The following ZNF626 variants were observed in gnomAD, a reference collection of about 807,000 sequenced individuals.
ZNF626 encodes the protein zinc finger protein 626, also known as CTC-513N18.7.
ZNF626 carries 4 observed loss-of-function variants against 11.7 expected under a neutral mutation model. The observed-to-expected ratio is 0.34, with a 90% CI of 0.17 to 0.78. The LOEUF is 0.78. Ranked by LOEUF, ZNF626 falls within the 30% of genes least tolerant of loss-of-function variation. ZNF626 has a pLI of 0.57. For missense variants in ZNF626, 588 were observed against 587.1 expected (o/e 1.00, Z -0.01); for synonymous variants, 179 against 198.6 (o/e 0.90, Z 0.83).
chr19:20,632,981 C>G (rs112098099), intron 3 of ZNF626, among the ~76,000 whole-genome samples: 14,822 of 152,042 alleles, frequency 0.097, 1,050 homozygotes, highest in African/African-American at 0.2. Flanking sequence ...TGTCCTTTCT[C>G]TTTGTTAGTT....
rs367935976 is a variant in ZNF626, at chr19:20,654,365, C to T, written c.3+7079G>A. Among the ~76,000 whole-genome samples the T allele has an allele frequency of 3.3e-5, 5 of 152,032 alleles. No individual in the cohort carries two copies. The East Asian group carries it at 5.8e-4, about 18-fold the overall frequency. ...GGCTGAGGCAGGAGAATTGCTTGAA[C>T]CTCGGAGGCGGAGGTTGCAGTGAGC... On this transcript the variant is annotated intron_variant, in intron 1 of 3. Transcript: ENST00000601440.
chr19:20,625,020 T>A lies in ZNF626; in HGVS notation c.857A>T (p.Lys286Ile). The A allele has an allele frequency of 6.2e-7, 1 of 1,613,892 alleles. No homozygotes were observed. Among genetic ancestry groups the A allele is most frequent in the Non-Finnish European group, 8.5e-7 (1 of 1,179,982 alleles). ...GAAGGCTTTGCCACATTCTTCACAT[T>A]TGTAGGGTTTCTTTTCCGTATGAAT... is the stretch of plus-strand genomic sequence containing the variant. ...EIIHTEKKPYKCEECGKAFNR... is the reference protein window; with the variant it reads ...EIIHTEKKPYICEECGKAFNR... Residue 286 changes from lysine (K) to isoleucine (I), a missense_variant, in exon 4 of 4, where the codon AAA (lysine) becomes ATA (isoleucine). This residue lies in a region of ZNF626 where 524 missense variants were observed against 470.1 expected (regional missense o/e 1.11). Coordinates refer to ENST00000601440, the MANE Select transcript of ZNF626 (RefSeq NM_001076675.3).
intron 1 of ZNF626, among the ~76,000 whole-genome samples, chr19:20,646,974 A>G (rs1555771979): frequency 6.6e-6 from 1 of 152,012 alleles, no homozygotes; most frequent in East Asian, 1.9e-4. Flanking sequence ...CTGCCTCCTG[A>G]GTAGCTGGGA....
In ZNF626 at chr19:20,646,333, G is replaced by T. The variant is rs782156488; in HGVS notation, c.76C>A (p.Arg26=). The change falls in exon 2 of 4, where the codon CGG becomes AGG. Residue 26 remains arginine (R), a synonymous_variant. Coordinates refer to ENST00000601440, the MANE Select transcript of ZNF626 (RefSeq NM_001076675.3). ...AACATCACATTCCTATATAAATTCC[G>T]CTGTGCAGTGTCCAGGCAATGCCAC... is the stretch of plus-strand genomic sequence containing the variant. ...EEWHCLDTAQ[R]NLYRNVMLEN... 6.2e-7 allele frequency: 1 copy of T among 1,613,908 alleles called. No individual in the cohort carries two copies. The highest frequency in any genetic ancestry group is 8.5e-7 in the Non-Finnish European group (1 of 1,180,008).
Position 20,646,407 on chromosome 19 carries a change from T to C in ZNF626, c.4-2A>G. The C allele has an allele frequency of 6.2e-7, 1 of 1,613,736 alleles. No homozygotes were observed. The highest frequency in any genetic ancestry group is 1.1e-5 in the South Asian group (1 of 91,060). ...CACATCTCTAAATTGCAATGGTCCC[T>C]GAAAAACACACACACACACATTTTT... On this transcript the variant is annotated splice_acceptor_variant, in intron 1 of 3. Coordinates refer to ENST00000601440, the MANE Select transcript of ZNF626 (RefSeq NM_001076675.3). LOFTEE classifies it high-confidence loss of function.
At chr19:20,639,095 T>C (rs1969996174) in intron 3 of ZNF626, among the ~76,000 whole-genome samples, 3 of 152,258 alleles carry the variant, frequency 2.0e-5, no homozygotes, top group African/African-American at 7.2e-5. Flanking sequence ...GGATGTATTA[T>C]ATGGTAAGAG....
At chr19:20,642,965 C>T (rs148924508) in intron 3 of ZNF626, among the ~76,000 whole-genome samples, 68 of 150,118 alleles carry the variant, frequency 4.5e-4, no homozygotes, top group African/African-American at 1.6e-3. Context: ...GAGCCAAGAT[C>T]GCACCACTGC....
At chr19:20,630,079 G>A (rs1469163022) in intron 3 of ZNF626, among the ~76,000 whole-genome samples, 30 of 152,098 alleles carry the variant, frequency 2.0e-4, no homozygotes, top group African/African-American at 5.3e-4. Flanking sequence ...GCTGGAGTAT[G>A]TTTATTGATT....
At chr19:20,653,652 AG>A (rs68181419) in intron 1 of ZNF626, among the ~76,000 whole-genome samples, 61,689 of 131,022 alleles carry the variant, frequency 0.47, 16,124 homozygotes, top group African/African-American at 0.71. Flanking sequence ...AAAAAAAAAA[AG>A]AAAAAGAAAA....
chr19:20,628,432 C>T (rs2144766722), intron 3 of ZNF626, among the ~76,000 whole-genome samples: 1 of 152,274 alleles, frequency 6.6e-6, no homozygotes, highest in East Asian at 1.9e-4. Flanking sequence ...CACATCCTCT[C>T]CAGCACCTGT....
intron 1 of ZNF626, among the ~76,000 whole-genome samples, chr19:20,659,693 T>C (rs1482780249): frequency 1.3e-5 from 2 of 150,800 alleles, no homozygotes; most frequent in African/African-American, 4.9e-5. Context: ...TGGTACTTCT[T>C]CCTGTTGCAA....
At chr19:20,646,876 T>C (rs1970085302) in intron 1 of ZNF626, among the ~76,000 whole-genome samples, 1 of 151,304 alleles carries the variant, frequency 6.6e-6, no homozygotes, top group Non-Finnish European at 1.5e-5. Context: ...AGATGGAGTT[T>C]CGCTCTTGTT....
At chr19:20,657,374 AAAAAT>A (rs1285188710) in intron 1 of ZNF626, among the ~76,000 whole-genome samples, 3 of 151,916 alleles carry the variant, frequency 2.0e-5, no homozygotes, top group Admixed American at 6.6e-5. Flanking sequence ...GCCTATCTCC[AAAAAT>A]AAAATAAAAT....
rs1273780870 is a variant in ZNF626, at chr19:20,620,845, TC to T, written c.*3444del. 2.5e-4 allele frequency: 14 copies of T among 55,220 alleles called. No individual in the cohort carries two copies. The highest frequency in any genetic ancestry group is 2.3e-3 in the East Asian group (4 of 1,728). The allele number at this position is 55,220 out of a possible 1,614,324, so 3.4% of individuals were successfully genotyped here. A position where few individuals can be genotyped will look rare whatever the true frequency, so the allele number is the denominator to read the frequency against. On this transcript the variant is annotated 3_prime_UTR_variant, in exon 4 of 4. Coordinates refer to ENST00000601440, the MANE Select transcript of ZNF626 (RefSeq NM_001076675.3). ...AGGCACTGCACATGGCCGTATTTTT[TC>T]TTTTTTTTTTTGTGACGGAGTCTTG...
chr19:20,634,721 C>G (rs1555770777), intron 3 of ZNF626, among the ~76,000 whole-genome samples: 1 of 140,018 alleles, frequency 7.1e-6, no homozygotes, highest in African/African-American at 2.6e-5. Flanking sequence ...AATTAATGCA[C>G]CATTTTTCAA....
intron 1 of ZNF626, among the ~76,000 whole-genome samples, chr19:20,658,307 G>C (rs1447391736): frequency 2.6e-5 from 4 of 152,158 alleles, no homozygotes; most frequent in African/African-American, 9.7e-5. Context: ...TCTGTATCTA[G>C]GGGTGGGGAT....
rs1196972658 is a variant in ZNF626, at chr19:20,646,319, C to T, written c.90G>A (p.Arg30=). 1.2e-6 allele frequency: 2 copies of T among 1,613,970 alleles called. No homozygotes were observed. The highest frequency in any genetic ancestry group is 1.1e-5 in the South Asian group (1 of 91,078). Residue 30 remains arginine (R), a synonymous_variant, in exon 2 of 4, where the codon AGG becomes AGA. Transcript: ENST00000601440. Reference sequence around the variant, plus strand: ...TACTGTAGTTCTCTAACATCACATTCCTATATAAATTCCGCTGTGCAGTGT... The same window carrying T: ...TACTGTAGTTCTCTAACATCACATTTCTATATAAATTCCGCTGTGCAGTGT... ...CLDTAQRNLY[R]NVMLENYSNL...
At chr19:20,649,842 A>G (rs1178571003) in intron 1 of ZNF626, among the ~76,000 whole-genome samples, 1 of 143,438 alleles carries the variant, frequency 7.0e-6, no homozygotes, top group African/African-American at 2.5e-5. Context: ...TTGGCGCATT[A>G]GCATTAGTTA....
chr19:20,624,383 T>G lies in ZNF626; in HGVS notation c.1494A>C (p.Thr498=). The G allele has an allele frequency of 4.1e-6, 3 of 732,850 alleles. 1 individual carries two copies. Among genetic ancestry groups the G allele is most frequent in the Non-Finnish European group, 4.4e-6 (2 of 455,492 alleles). The allele number at this position is 732,850 out of a possible 1,614,324, so 45.4% of individuals were successfully genotyped here. A position where few individuals can be genotyped will look rare whatever the true frequency, so the allele number is the denominator to read the frequency against. Residue 498 remains threonine (T), a synonymous_variant, in exon 4 of 4, where the codon ACA becomes ACC. Transcript: ENST00000601440. The part of the protein sequence containing the change: ...KAFNQSSILT[T]HERIILERNS... Reference sequence around the variant, plus strand: ...TTCTCTCCAGTATGATTCTCTCATGTGTAGTAAGGATTGAGGACTGGTTGA... The same window carrying G: ...TTCTCTCCAGTATGATTCTCTCATGGGTAGTAAGGATTGAGGACTGGTTGA...
Sources: allele counts gnomAD v4.1 joint callset (sites outside exome capture counted in the v4.1 genomes callset), GRCh38; gene constraint gnomAD v4.1.1; regional missense constraint gnomAD v4.1.1; transcripts MANE v1.5; gene names NCBI Gene and HGNC (gene_info 2026-07-23, HGNC 2026-07-21).